Variants in TPO observed in about 807,000 individuals in gnomAD.
The protein encoded by TPO is thyroid peroxidase.
A neutral mutation model predicts 96.9 loss-of-function variants in TPO; 78 were observed. That is an observed-to-expected ratio of 0.81 (90% CI 0.67 to 0.97). The LOEUF is 0.97. TPO is among the 50% of genes least tolerant of loss of function. The pLI is 0.00. For missense variants in TPO, 1,252 were observed against 1,274.8 expected, an observed-to-expected ratio of 0.98 and a Z score of 0.27; for synonymous variants, 547 against 538.0, an observed-to-expected ratio of 1.02 and a Z score of -0.23.
chr2:1,439,629 G>A (rs945678509), intron 5 of TPO, among the ~76,000 whole-genome samples: 4 of 152,138 alleles, frequency 2.6e-5, no homozygotes, highest in African/African-American at 4.8e-5. Context: ...ATCTCAGGCC[G>A]TTGGTAAGAT....
intron 16 of TPO, chr2:1,541,176 G>C: frequency 8.5e-7 from 1 of 1,174,804 alleles, no homozygotes. Context: ...AAACTCACTT[G>C]TGTAAGTCTG....
chr2:1,395,796 C>T (rs942485736), intron 1 of TPO, among the ~76,000 whole-genome samples: 1 of 151,846 alleles, frequency 6.6e-6, no homozygotes, highest in Non-Finnish European at 1.5e-5. Context: ...GACTAAGTCT[C>T]ATGAGATCTG....
At chr2:1,501,813 A>T (rs1370071285) in intron 13 of TPO, among the ~76,000 whole-genome samples, 2 of 151,934 alleles carry the variant, frequency 1.3e-5, no homozygotes, top group African/African-American at 4.8e-5. Context: ...CTGCTGAAGG[A>T]GCACCACCCG....
chr2:1,503,821 A>G, intron 13 of TPO, 127 bp from the exon 14 acceptor site: 1 of 1,561,244 alleles, frequency 6.4e-7, no homozygotes, highest in African/African-American at 1.4e-5. Context: ...TTCCCCCTAG[A>G]CCAGGTGGGA....
chr2:1,382,593 T>C (rs1238232532), intron 1 of TPO, among the ~76,000 whole-genome samples: 1 of 152,138 alleles, frequency 6.6e-6, no homozygotes, highest in African/African-American at 2.4e-5. Flanking sequence ...GCTGAACAGC[T>C]GCAAAGGATA....
intron 15 of TPO, among the ~76,000 whole-genome samples, chr2:1,536,103 TCCC>T (rs531625044): frequency 1.3e-3 from 26 of 20,680 alleles, no homozygotes; most frequent in East Asian, 4.0e-3. Flanking sequence ...CCTTCCCAAA[TCCC>T]CCCATTATGT....
intron 1 of TPO, among the ~76,000 whole-genome samples, chr2:1,390,380 G>C (rs1038607512): frequency 6.6e-6 from 1 of 152,170 alleles, no homozygotes; most frequent in Non-Finnish European, 1.5e-5. Context: ...GTATTCCATG[G>C]TGTATATGTG....
intron 3 of TPO, among the ~76,000 whole-genome samples, chr2:1,426,232 G>A (rs1026903815): frequency 3.5e-5 from 5 of 144,202 alleles, no homozygotes; most frequent in African/African-American, 7.9e-5. Context: ...TCTAGATGCC[G>A]GGATACAGAG....
Position 1,525,936 on chromosome 2 carries a change from C to G in TPO, c.2618+8954C>G, listed in dbSNP as rs1212605060. ...AAATCCCCCCACTGTGCGCAACCTC[C>G]TCATATCCCCCGACTGTTTACAACC... On this transcript the variant is annotated intron_variant, in intron 15 of 16. Transcript: ENST00000329066. Among the ~76,000 whole-genome samples, 5 of 142,280 alleles carry G rather than the reference C, an allele frequency of 3.5e-5. No individual in the cohort carries two copies. In the Admixed American group the frequency reaches 3.5e-4, roughly 10 times the overall value. 93.3% of individuals were successfully genotyped at this position (142,280 alleles called of 152,430 possible). A position where few individuals can be genotyped will look rare whatever the true frequency, so the allele number is the denominator to read the frequency against.
At chr2:1,496,570 A>T in intron 12 of TPO, 25 bp from the exon 13 acceptor site, 1 of 1,613,374 alleles carries the variant, frequency 6.2e-7, no homozygotes, top group Non-Finnish European at 8.5e-7. Context: ...GTTTGACTAC[A>T]TGTCAACCTG....
intron 8 of TPO, chr2:1,477,992 T>G: frequency 1.0e-6 from 1 of 985,368 alleles, no homozygotes; most frequent in East Asian, 1.1e-4. Context: ...AGCTACGTGC[T>G]TTACAGATTT....
chr2:1,397,826 G>A (rs955783664), intron 1 of TPO, among the ~76,000 whole-genome samples: 26 of 152,178 alleles, frequency 1.7e-4, no homozygotes, highest in African/African-American at 6.3e-4. Flanking sequence ...CACAACCCCC[G>A]ATGTTGTCTC....
At chr2:1,403,198 C>A (rs552171190) in intron 1 of TPO, among the ~76,000 whole-genome samples, 6 of 152,146 alleles carry the variant, frequency 3.9e-5, no homozygotes, top group Non-Finnish European at 8.8e-5. Context: ...ATGGACTGCC[C>A]AGCTCCATTC....
At chr2:1,378,713 A>T (rs544290097) in intron 1 of TPO, among the ~76,000 whole-genome samples, 1 of 152,134 alleles carries the variant, frequency 6.6e-6, no homozygotes, top group Non-Finnish European at 1.5e-5. Flanking sequence ...GTGGGAGAAG[A>T]GAGATCTGTG....
intron 15 of TPO, among the ~76,000 whole-genome samples, chr2:1,532,157 C>A (rs574663957): frequency 3.1e-4 from 38 of 124,286 alleles, no homozygotes; most frequent in South Asian, 1.5e-3. Flanking sequence ...CTGTGTGCAA[C>A]CTACACAAAT....
rs1450380202 is a variant in TPO, at chr2:1,542,245, G to C, written c.2749-176G>C. 10 of 847,366 alleles carry C rather than the reference G, an allele frequency of 1.2e-5. No homozygotes were observed. The East Asian group carries it at 2.4e-4, about 20-fold the overall frequency. 52.5% of individuals were successfully genotyped at this position (847,366 alleles called of 1,614,324 possible). A position where few individuals can be genotyped will look rare whatever the true frequency, so the allele number is the denominator to read the frequency against. ...TGTGGCCTCCTGCAAACAAGCATTT[G>C]TCCGGAAGCCAGAAACTTCCCTCCA... On this transcript the variant is annotated intron_variant, in intron 16 of 16. Coordinates refer to ENST00000329066, the MANE Select transcript of TPO (RefSeq NM_001206744.2).
rs977381263 is a variant in TPO, at chr2:1,542,804, C to T, written c.*330C>T. ...CTCCACCTTCTGGCATCTCTGATGC[C>T]GTGCTCGTCTGCACTCTGCCCCGGC... is the stretch of plus-strand genomic sequence containing the variant. On this transcript the variant is annotated 3_prime_UTR_variant, in exon 17 of 17. Transcript: ENST00000329066. The T allele has an allele frequency of 9.2e-6, 5 of 545,238 alleles. No individual in the cohort carries two copies. The highest frequency in any genetic ancestry group is 2.0e-5 in the South Asian group (1 of 50,466). 33.8% of individuals were successfully genotyped at this position (545,238 alleles called of 1,614,324 possible).
At chr2:1,516,294 C>T (rs541953915) in intron 14 of TPO, among the ~76,000 whole-genome samples, 35 of 152,336 alleles carry the variant, frequency 2.3e-4, no homozygotes, top group African/African-American at 7.9e-4. Flanking sequence ...CTGGAATTGG[C>T]TGATGAGACC....
intron 3 of TPO, among the ~76,000 whole-genome samples, chr2:1,424,051 T>C (rs573480173): frequency 4.6e-5 from 7 of 152,182 alleles, no homozygotes; most frequent in Non-Finnish European, 7.3e-5. Flanking sequence ...ACGTTTATTT[T>C]AACAAGGATA....
Sources: allele counts gnomAD v4.1 joint callset (sites outside exome capture counted in the v4.1 genomes callset), GRCh38; gene constraint gnomAD v4.1.1; transcripts MANE v1.5; gene names NCBI Gene and HGNC (gene_info 2026-07-23, HGNC 2026-07-21).